Variants in WWOX observed in about 807,000 individuals in gnomAD.
WWOX encodes the protein WW domain-containing oxidoreductase.
Under a neutral mutation model 46.2 loss-of-function variants are expected in WWOX, and 69 were observed. The ratio of observed to expected loss-of-function variants is 1.49; its 90% CI spans 1.23 to 1.82. The LOEUF (loss-of-function observed/expected upper bound fraction) is 1.82, where lower values mean the gene tolerates loss of function less well. Ranked by LOEUF, WWOX falls within the 40% of genes most tolerant of loss-of-function variation. WWOX has a pLI of 0.00. For missense variants in WWOX, 919 were observed against 542.6 expected, an observed-to-expected ratio of 1.69 and a Z score of -6.89; for synonymous variants, 359 against 202.6, an observed-to-expected ratio of 1.77 and a Z score of -6.56.
intron 8 of WWOX, among the ~76,000 whole-genome samples, chr16:78,884,005 G>A (rs1319789912): frequency 2.0e-5 from 3 of 152,034 alleles, no homozygotes; most frequent in Non-Finnish European, 4.4e-5. Context: ...CTGGCCAGGC[G>A]TGGTGGCTCA....
chr16:79,061,482 C>G (rs912884150), intron 8 of WWOX, among the ~76,000 whole-genome samples: 3 of 152,176 alleles, frequency 2.0e-5, no homozygotes, highest in African/African-American at 7.2e-5. Flanking sequence ...AGATCTCTTG[C>G]AAAATGCAAA....
intron 5 of WWOX, among the ~76,000 whole-genome samples, chr16:78,356,403 C>G (rs1212483495): frequency 2.0e-5 from 3 of 152,112 alleles, no homozygotes; most frequent in Admixed American, 6.5e-5. Flanking sequence ...AAATGCTTAA[C>G]TTTCCTGTGG....
intron 6 of WWOX, among the ~76,000 whole-genome samples, chr16:78,423,028 G>C (rs549180190): frequency 8.7e-4 from 132 of 151,984 alleles, no homozygotes; most frequent in African/African-American, 3.0e-3. Context: ...TGGGATTACA[G>C]GCGTGTGCCA....
intron 8 of WWOX, among the ~76,000 whole-genome samples, chr16:78,554,991 A>C (rs2044257130): frequency 6.6e-6 from 1 of 152,150 alleles, no homozygotes; most frequent in African/African-American, 2.4e-5. Context: ...GGCCCGGATA[A>C]ACCAGCAGGG....
At chr16:78,177,203 G>A (rs2035378822) in intron 5 of WWOX, among the ~76,000 whole-genome samples, 1 of 152,142 alleles carries the variant, frequency 6.6e-6, no homozygotes, top group Non-Finnish European at 1.5e-5. Context: ...AAAATCAAAT[G>A]TTTTCCCAAC....
intron 8 of WWOX, among the ~76,000 whole-genome samples, chr16:78,475,780 G>C (rs2084335942): frequency 6.6e-6 from 1 of 152,058 alleles, no homozygotes; most frequent in African/African-American, 2.4e-5. Context: ...ATTTTTAGTA[G>C]AGACGCGTTT....
rs184141809 is a variant in WWOX, at chr16:79,202,648, T to A, written c.1057-8960T>A. On this transcript the variant is annotated intron_variant, in intron 8 of 8. Transcript: ENST00000566780. ...CTAGGAAGAAATCTTTAATTTCTAT[T>A]CAGCTTTAAAGAGTTTGAGAGAGTT... 9 of 152,328 alleles carry A rather than the reference T, an allele frequency of 5.9e-5. 1 individual carries two copies. Among genetic ancestry groups the A allele is most frequent in the Admixed American group, 2.6e-4 (4 of 15,304 alleles). The allele number at this position is 152,328 out of a possible 1,614,324, so 9.4% of individuals were successfully genotyped here.
chr16:78,575,837 A>C (rs1228876633), intron 8 of WWOX, among the ~76,000 whole-genome samples: 1 of 152,168 alleles, frequency 6.6e-6, no homozygotes, highest in Non-Finnish European at 1.5e-5. Flanking sequence ...TGCCTAGATA[A>C]ATACTGCATG....
intron 8 of WWOX, chr16:79,203,390 C>G (rs998609992): frequency 6.6e-6 from 1 of 152,160 alleles, no homozygotes; most frequent in Non-Finnish European, 1.5e-5. Context: ...GGGGGCCTAC[C>G]TGTGAGATCT....
intron 8 of WWOX, among the ~76,000 whole-genome samples, chr16:78,642,155 T>C (rs1567457859): frequency 6.6e-6 from 1 of 152,210 alleles, no homozygotes; most frequent in African/African-American, 2.4e-5. Flanking sequence ...ATGGCACTTT[T>C]ATATATACTT....
At chr16:78,795,559 G>A (rs186545289) in intron 8 of WWOX, among the ~76,000 whole-genome samples, 2 of 152,148 alleles carry the variant, frequency 1.3e-5, no homozygotes, top group Admixed American at 1.3e-4. Flanking sequence ...AGGATTCAGG[G>A]TATAATTTCT....
At chr16:78,558,866 C>G (rs3897811) in intron 8 of WWOX, among the ~76,000 whole-genome samples, 1 of 152,208 alleles carries the variant, frequency 6.6e-6, no homozygotes, top group African/African-American at 2.4e-5. Flanking sequence ...TCTCTACAAC[C>G]TTCAGTCTGA....
chr16:78,156,031 G>C (rs891722143), intron 4 of WWOX, among the ~76,000 whole-genome samples: 2 of 152,212 alleles, frequency 1.3e-5, no homozygotes, highest in African/African-American at 4.8e-5. Flanking sequence ...GTAAGAAAAT[G>C]GAGTTGTCTA....
intron 5 of WWOX, among the ~76,000 whole-genome samples, chr16:78,317,245 G>C (rs962707599): frequency 6.6e-6 from 1 of 152,192 alleles, no homozygotes; most frequent in Non-Finnish European, 1.5e-5. Flanking sequence ...GCAGGAACTT[G>C]AGTGATACTT....
intron 8 of WWOX, among the ~76,000 whole-genome samples, chr16:79,049,748 T>C (rs2048131471): frequency 6.6e-6 from 1 of 151,446 alleles, no homozygotes; most frequent in African/African-American, 2.4e-5. Context: ...AGGCAGAGAA[T>C]TGCTTGAACC....
chr16:78,800,050 T>C (rs1227843444), intron 8 of WWOX, among the ~76,000 whole-genome samples: 2 of 152,174 alleles, frequency 1.3e-5, no homozygotes, highest in Non-Finnish European at 1.5e-5. Context: ...CACTTGGGTT[T>C]CATCAAGCAC....
chr16:78,925,353 C>G (rs2045474522), intron 8 of WWOX, among the ~76,000 whole-genome samples: 2 of 151,926 alleles, frequency 1.3e-5, no homozygotes, highest in African/African-American at 4.8e-5. Flanking sequence ...AAAATGGCAA[C>G]AAAGGGAGAT....
intron 6 of WWOX, among the ~76,000 whole-genome samples, chr16:78,394,771 A>G (rs1222577275): frequency 1.3e-5 from 2 of 152,232 alleles, no homozygotes; most frequent in East Asian, 3.9e-4. Context: ...AAAACTTTAC[A>G]AAACAGACAA....
intron 8 of WWOX, among the ~76,000 whole-genome samples, chr16:79,030,294 G>A (rs531906881): frequency 6.6e-6 from 1 of 152,190 alleles, no homozygotes; most frequent in East Asian, 1.9e-4. Context: ...TTCTTCATTA[G>A]GGTTTCTCTC....
Sources: allele counts gnomAD v4.1 joint callset (sites outside exome capture counted in the v4.1 genomes callset), GRCh38; gene constraint gnomAD v4.1.1; transcripts MANE v1.5; gene names NCBI Gene and HGNC (gene_info 2026-07-23, HGNC 2026-07-21).